The following CUL5 variants were observed in gnomAD, a reference collection of about 807,000 sequenced individuals.
CUL5 encodes the protein cullin-5.
CUL5 carries 26 observed loss-of-function variants against 108.8 expected under a neutral mutation model. The observed-to-expected ratio is 0.24, with a 90% CI of 0.18 to 0.33. CUL5 has a LOEUF of 0.33. CUL5 is among the 10% of genes least tolerant of loss of function. The pLI is 1.00. For synonymous variants in CUL5, 334 were observed against 298.0 expected, an observed-to-expected ratio of 1.12 and a Z score of -1.25; for missense variants, 524 against 909.2, an observed-to-expected ratio of 0.58 and a Z score of 5.45.
At chr11:108,067,246 C>T (rs902539587) in intron 7 of CUL5, among the ~76,000 whole-genome samples, 1 of 152,158 alleles carries the variant, frequency 6.6e-6, no homozygotes, top group Non-Finnish European at 1.5e-5. Flanking sequence ...TTAAAGGATA[C>T]CTGTTATAAT....
intron 18 of CUL5, among the ~76,000 whole-genome samples, chr11:108,102,404 G>A (rs1437794032): frequency 1.3e-5 from 2 of 152,122 alleles, no homozygotes; most frequent in Non-Finnish European, 2.9e-5. Context: ...TCAGCTCACT[G>A]CAACCTCTGC....
intron 1 of CUL5, among the ~76,000 whole-genome samples, chr11:108,029,186 T>A (rs1862519824): frequency 6.6e-6 from 1 of 151,666 alleles, no homozygotes; most frequent in East Asian, 1.9e-4. Context: ...TTAGTTGTGC[T>A]GTAAGGAGTG....
chr11:108,053,664 A>C (rs1863296583), intron 5 of CUL5, among the ~76,000 whole-genome samples: 1 of 148,844 alleles, frequency 6.7e-6, no homozygotes, highest in Non-Finnish European at 1.5e-5. Flanking sequence ...TTACCCCTTA[A>C]GTGGTATACC....
In CUL5 at chr11:108,040,520, G is replaced by A. The variant is rs544384001; in HGVS notation, c.135-5750G>A. On this transcript the variant is annotated intron_variant, in intron 2 of 18. Coordinates refer to ENST00000393094, the MANE Select transcript of CUL5 (RefSeq NM_003478.6). ...CCAGCTACTTGGCCAGCTGAGGCAC[G>A]AGAATTGCCTGAACTTGGGAAGCAG... 1.5e-3 allele frequency among the ~76,000 whole-genome samples: 219 copies of A among 149,400 alleles called. 10 individuals carry two copies. In the South Asian group the frequency reaches 0.04, roughly 28 times the overall value.
chr11:108,039,352 T>A (rs1862830926), intron 2 of CUL5, among the ~76,000 whole-genome samples: 1 of 152,128 alleles, frequency 6.6e-6, no homozygotes, highest in Admixed American at 6.6e-5. Flanking sequence ...TCATGAACAC[T>A]CCTTCTGTGT....
At position 108,009,364 on chromosome 11, in the gene CUL5, C is replaced by T. The variant is rs1862000455; in HGVS notation, c.16C>T (p.Leu6=). Reference sequence around the variant, plus strand: ...GTTAAAGAACATGGCGACGTCTAATCTGTTAAAGGTAAGACCCTCACTCCA... The same window carrying T: ...GTTAAAGAACATGGCGACGTCTAATTTGTTAAAGGTAAGACCCTCACTCCA... MATSN[L]LKNKGSLQFE... Residue 6 remains leucine (L), a synonymous_variant, in exon 1 of 19, where the codon CTG becomes TTG. Transcript: ENST00000393094. The T allele has an allele frequency of 1.2e-6, 2 of 1,613,452 alleles. No individual in the cohort carries two copies. The highest frequency in any genetic ancestry group is 4.5e-5 in the East Asian group (2 of 44,794).
At chr11:108,039,148 G>C (rs961645976) in intron 2 of CUL5, among the ~76,000 whole-genome samples, 1 of 152,062 alleles carries the variant, frequency 6.6e-6, no homozygotes. Flanking sequence ...AGCCTCCCAA[G>C]TAGCTGGGAT....
chr11:108,083,662 G>A (rs975017316), intron 11 of CUL5, among the ~76,000 whole-genome samples: 9 of 152,180 alleles, frequency 5.9e-5, no homozygotes, highest in East Asian at 1.9e-4. Context: ...ATGATGGTGC[G>A]TGCCTGTAGT....
chr11:108,105,045 T>C lies in CUL5; in HGVS notation c.*661T>C, dbSNP rs1035611607. On this transcript the variant is annotated 3_prime_UTR_variant, in exon 19 of 19. Transcript: ENST00000393094. ...TTCTTTAAGCAGGAGACTGCTATTT[T>C]AGTTGTTGTTAAATGATGAGGAGTT... 1.3e-5 allele frequency: 2 copies of C among 152,534 alleles called. No individual in the cohort carries two copies. The highest frequency in any genetic ancestry group is 2.9e-5 in the Non-Finnish European group (2 of 67,996). The allele number at this position is 152,534 out of a possible 1,614,324, so 9.4% of individuals were successfully genotyped here. A position where few individuals can be genotyped will look rare whatever the true frequency, so the allele number is the denominator to read the frequency against.
chr11:108,041,469 G>C (rs1473232061), intron 2 of CUL5, among the ~76,000 whole-genome samples: 1 of 151,554 alleles, frequency 6.6e-6, no homozygotes, highest in Non-Finnish European at 1.5e-5. Context: ...TAGAGACGGG[G>C]TTTCACTATG....
intron 7 of CUL5, among the ~76,000 whole-genome samples, chr11:108,067,656 G>C (rs1028561384): frequency 6.6e-6 from 1 of 151,922 alleles, no homozygotes; most frequent in Admixed American, 6.6e-5. Flanking sequence ...CACTGAACAG[G>C]ATAATGTTCA....
At chr11:108,085,457 A>G (rs891605343) in intron 11 of CUL5, among the ~76,000 whole-genome samples, 4 of 152,202 alleles carry the variant, frequency 2.6e-5, no homozygotes, top group African/African-American at 9.6e-5. Flanking sequence ...TTCCATGTAT[A>G]CAAGATTTCT....
chr11:108,053,845 ATTTGTTTCTT>A (rs1228909495), intron 5 of CUL5, among the ~76,000 whole-genome samples: 9 of 147,828 alleles, frequency 6.1e-5, no homozygotes, highest in African/African-American at 2.0e-4. Context: ...CACCTGGCTA[ATTTGTTTCTT>A]TTTTTTTCTT....
intron 7 of CUL5, among the ~76,000 whole-genome samples, chr11:108,068,801 C>T (rs1863753853): frequency 6.6e-6 from 1 of 152,142 alleles, no homozygotes; most frequent in African/African-American, 2.4e-5. Context: ...TTCCTGATGG[C>T]CTCCTAGAGC....
At chr11:108,044,343 G>A (rs1037971739) in intron 2 of CUL5, among the ~76,000 whole-genome samples, 1 of 151,468 alleles carries the variant, frequency 6.6e-6, no homozygotes, top group African/African-American at 2.4e-5. Flanking sequence ...TAGGGAGACC[G>A]TGTCTCTACA....
chr11:108,066,333 G>A (rs893379222), intron 7 of CUL5, among the ~76,000 whole-genome samples: 10 of 151,686 alleles, frequency 6.6e-5, no homozygotes, highest in Admixed American at 3.9e-4. Flanking sequence ...GACAGAGCGA[G>A]ACTCTGTCTC....
At chr11:108,072,272 TTC>T in intron 8 of CUL5, 58 bp from the exon 9 acceptor site, 1 of 1,345,506 alleles carries the variant, frequency 7.4e-7, no homozygotes, top group Admixed American at 2.2e-5. Flanking sequence ...TAACTAATGT[TTC>T]TCTAAACTCT....
chr11:108,011,055 G>C (rs1426367237), intron 1 of CUL5, among the ~76,000 whole-genome samples: 1 of 152,220 alleles, frequency 6.6e-6, no homozygotes, highest in Non-Finnish European at 1.5e-5. Flanking sequence ...TAATGCATCT[G>C]TGTGTTTACA....
rs943318014 is a variant in CUL5 at position 108,027,514 on chromosome 11, C to T, written c.25-6288C>T. Among the ~76,000 whole-genome samples, 7 of 152,096 alleles carry T rather than the reference C, an allele frequency of 4.6e-5. 1 individual carries two copies. Among genetic ancestry groups the T allele is most frequent in the Admixed American group, 3.3e-4 (5 of 15,256 alleles). On this transcript the variant is annotated intron_variant, in intron 1 of 18. Transcript: ENST00000393094. ...CTCGAACTCCTGATGTCAAGTCATC[C>T]ACCCACCCCGGCCTCCCAAAGTGCT... is the stretch of plus-strand genomic sequence containing the variant.
Sources: gnomAD v4.1 joint callset for allele counts (sites outside exome capture counted in the v4.1 genomes callset) on GRCh38, gnomAD v4.1.1 for gene constraint, MANE v1.5 for transcripts, NCBI Gene and HGNC (gene_info 2026-07-23, HGNC 2026-07-21) for gene names.